Variants in FRAS1 observed in about 807,000 individuals in gnomAD.
FRAS1 encodes the protein extracellular matrix organizing protein FRAS1.
FRAS1 carries 290 observed loss-of-function variants against 435.2 expected under a neutral mutation model. The observed-to-expected ratio is 0.67, with a 90% CI of 0.61 to 0.73. The LOEUF (loss-of-function observed/expected upper bound fraction) is 0.73. Among genes scored for constraint, FRAS1 ranks in the 30% least tolerant of loss-of-function variants. The pLI is 0.00. For missense variants in FRAS1, 4,860 were observed against 5,001.5 expected (o/e 0.97, Z 0.85); for synonymous variants, 1,800 against 1,851.0 (o/e 0.97, Z 0.71).
In FRAS1 at chr4:78,115,314, G is replaced by C. The variant is rs533765603; in HGVS notation, c.108+49298G>C. 3.0e-4 allele frequency among the ~76,000 whole-genome samples: 46 copies of C among 152,222 alleles called. No homozygotes were observed. In the South Asian group the frequency reaches 7.0e-3, roughly 23 times the overall value. ...TATTTTTTTGTTGTGTCTCTGCCAGGCTTTGGTATCAGGATGATGCTGGCC... is the reference window on the plus strand; with the variant it reads ...TATTTTTTTGTTGTGTCTCTGCCAGCCTTTGGTATCAGGATGATGCTGGCC... On this transcript the variant is annotated intron_variant, in intron 2 of 73. Coordinates refer to ENST00000512123, the MANE Select transcript of FRAS1 (RefSeq NM_025074.7).
intron 18 of FRAS1, among the ~76,000 whole-genome samples, chr4:78,324,642 G>T (rs1449401143): frequency 6.7e-6 from 1 of 150,094 alleles, no homozygotes; most frequent in Non-Finnish European, 1.5e-5. Context: ...GGGATCCTGG[G>T]TTCTAATATA....
chr4:78,151,124 A>C lies in FRAS1; in HGVS notation c.108+85108A>C, dbSNP rs369452938. Among the ~76,000 whole-genome samples the C allele has an allele frequency of 9.2e-5, 14 of 152,326 alleles. No individual in the cohort carries two copies. In the East Asian group the frequency reaches 2.5e-3, roughly 27 times the overall value. The stretch of plus-strand genomic sequence containing the variant: ...GAGATAGTTGGTTTTATGATTAATC[A>C]GTTTTTCTAACTAAAGATATACCGT... On this transcript the variant is annotated intron_variant, in intron 2 of 73. Coordinates refer to ENST00000512123, the MANE Select transcript of FRAS1 (RefSeq NM_025074.7).
chr4:78,453,953 A>C (rs1172463003), intron 47 of FRAS1, among the ~76,000 whole-genome samples: 1 of 152,180 alleles, frequency 6.6e-6, no homozygotes, highest in East Asian at 1.9e-4. Flanking sequence ...AAATGGGGGA[A>C]GTTCCTGCCC....
intron 2 of FRAS1, among the ~76,000 whole-genome samples, chr4:78,144,451 AGTGT>A (rs144059150): frequency 3.4e-3 from 505 of 146,568 alleles, no homozygotes; most frequent in African/African-American, 0.011. Flanking sequence ...TTTTAAAATA[AGTGT>A]GTGTGTGTGT....
intron 2 of FRAS1, among the ~76,000 whole-genome samples, chr4:78,138,731 G>A (rs1300828977): frequency 6.6e-6 from 1 of 152,112 alleles, no homozygotes; most frequent in Non-Finnish European, 1.5e-5. Context: ...CTGTGCATGA[G>A]AACATGAATG....
chr4:78,114,325 T>C (rs1013086363), intron 2 of FRAS1, among the ~76,000 whole-genome samples: 1 of 152,194 alleles, frequency 6.6e-6, no homozygotes, highest in Non-Finnish European at 1.5e-5. Flanking sequence ...CTTTTTTTGG[T>C]TCCATATGAA....
intron 14 of FRAS1, among the ~76,000 whole-genome samples, chr4:78,307,291 G>A (rs1372266942): frequency 6.6e-6 from 1 of 152,258 alleles, no homozygotes; most frequent in Non-Finnish European, 1.5e-5. Flanking sequence ...GGACATTTAA[G>A]TCTGCAGAGG....
chr4:78,463,451 G>C (rs1719432498), intron 47 of FRAS1, among the ~76,000 whole-genome samples: 1 of 152,170 alleles, frequency 6.6e-6, no homozygotes, highest in South Asian at 2.1e-4. Flanking sequence ...CTGCCTGACT[G>C]GCTAAAGTGG....
intron 14 of FRAS1, among the ~76,000 whole-genome samples, chr4:78,307,142 C>A (rs1728774411): frequency 6.6e-6 from 1 of 152,198 alleles, no homozygotes. Flanking sequence ...TGTCAGTCTG[C>A]CCCTGCTGGG....
intron 71 of FRAS1, among the ~76,000 whole-genome samples, chr4:78,535,378 C>G (rs533486654): frequency 4.6e-5 from 7 of 152,184 alleles, no homozygotes; most frequent in Non-Finnish European, 7.3e-5. Context: ...TCTCTCCGAG[C>G]CTCATTTCTA....
intron 2 of FRAS1, among the ~76,000 whole-genome samples, chr4:78,090,202 C>T (rs1741441046): frequency 6.6e-6 from 1 of 152,176 alleles, no homozygotes; most frequent in African/African-American, 2.4e-5. Context: ...TCTAGCAAAA[C>T]ACACAAATGG....
At chr4:78,249,870 C>T (rs1160079442) in intron 4 of FRAS1, among the ~76,000 whole-genome samples, 1 of 152,064 alleles carries the variant, frequency 6.6e-6, no homozygotes, top group Non-Finnish European at 1.5e-5. Flanking sequence ...GTTTTGGAAA[C>T]AACAGTGGTG....
intron 2 of FRAS1, among the ~76,000 whole-genome samples, chr4:78,117,538 T>A (rs1718689095): frequency 1.3e-5 from 2 of 152,206 alleles, no homozygotes; most frequent in African/African-American, 4.8e-5. Context: ...TTTCTTTTTA[T>A]TCTTTTTCTC....
At chr4:78,315,524 A>G (rs1407409383) in intron 15 of FRAS1, 70 bp from the exon 16 acceptor site, 48 of 1,486,726 alleles carry the variant, frequency 3.2e-5, no homozygotes, top group Non-Finnish European at 4.3e-5. Flanking sequence ...TGGATATTGT[A>G]AAGAATAGAC....
In FRAS1 at chr4:78,508,829, C is replaced by G. The variant is rs772899922; in HGVS notation, c.9603C>G (p.Pro3201=). 4.3e-6 allele frequency: 7 copies of G among 1,613,752 alleles called. No individual in the cohort carries two copies. The highest frequency in any genetic ancestry group is 5.9e-6 in the Non-Finnish European group (7 of 1,179,798). ...SPGYPLVCVT[P]CDPHFPRYAV... is the part of the protein sequence containing the mutation. The stretch of plus-strand genomic sequence containing the variant: ...GCTACCCACTGGTCTGTGTCACCCC[C>G]TGCGACCCTCATTTCCCCAGATACG... The change falls in exon 63 of 74, where the codon CCC becomes CCG. Residue 3201 remains proline, a synonymous_variant. Transcript: ENST00000512123.
At chr4:78,500,002 G>A in intron 61 of FRAS1, 81 bp downstream of exon 61, 2 of 1,165,394 alleles carry the variant, frequency 1.7e-6, no homozygotes, top group African/African-American at 1.5e-5. Flanking sequence ...GGAATAAACA[G>A]ATAAATGAAA....
chr4:78,281,470 T>C (rs1042415417), intron 11 of FRAS1, 37 bp downstream of exon 11: 38 of 1,395,372 alleles, frequency 2.7e-5, no homozygotes, highest in Non-Finnish European at 3.3e-5. Flanking sequence ...TAGATCATTA[T>C]AAAATTGTTT....
intron 73 of FRAS1, 145 bp downstream of exon 73, chr4:78,539,585 C>G: frequency 1.2e-6 from 1 of 829,166 alleles, no homozygotes; most frequent in Non-Finnish European, 1.9e-6. Context: ...TATTGTTAAG[C>G]TTATCACCCA....
Position 78,419,031 on chromosome 4 carries a change from A to G in FRAS1, c.4508A>G (p.Tyr1503Cys). The G allele has an allele frequency of 6.3e-7, 1 of 1,593,528 alleles. No homozygotes were observed. The highest frequency in any genetic ancestry group is 2.3e-5 in the East Asian group (1 of 44,284). The change falls in exon 33 of 74, where the codon TAC becomes TGC. Residue 1503 changes from tyrosine (Y) to cysteine (C), a missense_variant. Transcript: ENST00000512123. ...GAGAAGCCAAGTGGAAAGATTGTCT[A>G]CAACATCACTCTACCTCTGCATCCA... The part of the protein sequence containing the change: ...NSEKPSGKIV[Y>C]NITLPLHPNQ...
Sources: gnomAD v4.1 joint callset for allele counts (sites outside exome capture counted in the v4.1 genomes callset) on GRCh38, gnomAD v4.1.1 for gene constraint, MANE v1.5 for transcripts, NCBI Gene and HGNC (gene_info 2026-07-23, HGNC 2026-07-21) for gene names.